Variants in NOP9 observed in about 807,000 individuals in gnomAD.
NOP9 encodes NOP9 nucleolar protein, also known as nucleolar protein 9.
A neutral mutation model predicts 63.0 loss-of-function variants in NOP9; 50 were observed. The observed-to-expected ratio is 0.79, with a 90% CI of 0.63 to 1.00. The LOEUF is 1.00. Ranked by LOEUF, NOP9 falls within the 50% of genes least tolerant of loss-of-function variation. NOP9 has a pLI of 0.00. For missense variants in NOP9, 758 were observed against 803.0 expected, an observed-to-expected ratio of 0.94 and a Z score of 0.68; for synonymous variants, 343 against 332.8, an observed-to-expected ratio of 1.03 and a Z score of -0.33.
In NOP9 at chr14:24,307,964, G is replaced by A; in HGVS notation, c.*2869G>A. Reference sequence around the variant, plus strand: ...TTACAAACCTGGGATCTCAGCCCAGGACAAGGTGGGAATGAGTCAAGCCTG... The same window carrying A: ...TTACAAACCTGGGATCTCAGCCCAGAACAAGGTGGGAATGAGTCAAGCCTG... On this transcript the variant is annotated 3_prime_UTR_variant, in exon 10 of 10. Transcript: ENST00000267425. 4.7e-6 allele frequency: 5 copies of A among 1,062,370 alleles called. No homozygotes were observed. The highest frequency in any genetic ancestry group is 7.1e-6 in the Non-Finnish European group (5 of 704,256). 65.8% of individuals were successfully genotyped at this position (1,062,370 alleles called of 1,614,324 possible).
chr14:24,305,811 G>A lies in NOP9; in HGVS notation c.*716G>A, dbSNP rs2041484926. The A allele has an allele frequency of 1.2e-6, 2 of 1,605,224 alleles. No individual in the cohort carries two copies. Among genetic ancestry groups the A allele is most frequent in the African/African-American group, 1.3e-5 (1 of 74,740 alleles). On this transcript the variant is annotated 3_prime_UTR_variant, in exon 10 of 10. Transcript: ENST00000267425. ...GAAATCAGATGATTTGGAAAACTTG[G>A]GAGGAAGCCATCAAGCTGGGAGATG...
the NOP9 span, chr14:24,294,589 A>AAACAACAACAACAAC: frequency 4.7e-5 from 7 of 150,442 alleles, no homozygotes; most frequent in Admixed American, 1.3e-4. Context: ...TTCCACCTCA[A>AAACAACAACAACAAC]AACAACAACA....
chr14:24,298,819 T>A (rs1298671857), upstream of NOP9: 18 of 1,105,764 alleles, frequency 1.6e-5, no homozygotes, highest in Non-Finnish European at 2.0e-5. Flanking sequence ...ACGGGGTTTT[T>A]AATTTCCACT....
chr14:24,307,013 T>C lies in NOP9; in HGVS notation c.*1918T>C, dbSNP rs2332320. On this transcript the variant is annotated 3_prime_UTR_variant, in exon 10 of 10. Transcript: ENST00000267425. ...ATGTATTATTATTGCCTTTTTATAG[T>C]TGAAGAAACTGAGGTTTTGGTAGGT... is the stretch of plus-strand genomic sequence containing the variant. 34,713 of 249,348 alleles carry C rather than the reference T, an allele frequency of 0.14. 3,851 individuals are homozygous for C. Among genetic ancestry groups the C allele is most frequent in the East Asian group, 0.56 (6,127 of 10,938 alleles). 15.4% of individuals were successfully genotyped at this position (249,348 alleles called of 1,614,324 possible).
upstream of NOP9, chr14:24,296,445 A>C: frequency 6.6e-7 from 1 of 1,509,552 alleles, no homozygotes; most frequent in Non-Finnish European, 9.2e-7. Context: ...ATGTAAGGAA[A>C]GGCCTGGCCG....
At chr14:24,302,148 G>T in intron 4 of NOP9, 42 bp downstream of exon 4, 1 of 1,604,560 alleles carries the variant, frequency 6.2e-7, no homozygotes, top group African/African-American at 1.3e-5. Flanking sequence ...TGGCGGGGCT[G>T]TGTGAAATGA....
In NOP9 at chr14:24,304,992, A is replaced by G; in HGVS notation, c.1808A>G (p.Asn603Ser). The G allele has an allele frequency of 3.7e-6, 6 of 1,601,378 alleles. No individual in the cohort carries two copies. The highest frequency in any genetic ancestry group is 2.2e-5 in the South Asian group (2 of 89,350). ...RDPFGHHVAR[N>S]VALTTFLKRR... is the part of the protein sequence containing the mutation. ...CCTTTCGGCCACCATGTGGCTCGAAATGTGGCCTTGACTACCTTCCTAAAG... is the reference window on the plus strand; with the variant it reads ...CCTTTCGGCCACCATGTGGCTCGAAGTGTGGCCTTGACTACCTTCCTAAAG... Residue 603 changes from asparagine to serine, a missense_variant, in exon 10 of 10, where the codon AAT becomes AGT. By Grantham distance (46) the Asn-to-Ser change is conservative (BLOSUM62 1). Coordinates refer to ENST00000267425, the MANE Select transcript of NOP9 (RefSeq NM_174913.3).
chr14:24,291,475 G>A, the NOP9 span: 5 of 1,460,150 alleles, frequency 3.4e-6, no homozygotes, highest in African/African-American at 2.8e-5. Context: ...ACCAACTCCC[G>A]AGCCAGATCT....
chr14:24,304,662 G>T (rs1315751250), intron 9 of NOP9, 64 bp downstream of exon 9: 1 of 1,292,734 alleles, frequency 7.7e-7, no homozygotes, highest in South Asian at 1.4e-5. Flanking sequence ...AGATCACTGG[G>T]TAGCTGGGAA....
the NOP9 span, chr14:24,290,533 T>A: frequency 3.5e-6 from 1 of 286,368 alleles, no homozygotes; most frequent in Non-Finnish European, 6.7e-6. Context: ...CATTTATACA[T>A]CTTTGAGTCT....
At chr14:24,288,639 C>T in the NOP9 span, among the ~76,000 whole-genome samples, 2 of 152,116 alleles carry the variant, frequency 1.3e-5, no homozygotes, top group African/African-American at 4.8e-5. Flanking sequence ...TGAGCCACCG[C>T]GCCCGACCAG....
the NOP9 span, among the ~76,000 whole-genome samples, chr14:24,288,494 C>T: frequency 4.6e-5 from 7 of 152,046 alleles, 1 homozygote; most frequent in Non-Finnish European, 2.9e-5. Flanking sequence ...GGATTAGAGG[C>T]GTGCTCCACC....
Position 24,300,076 on chromosome 14 carries a change from C to T in NOP9, c.122C>T (p.Pro41Leu), listed in dbSNP as rs753890120. ...CCAGGCCGTAAGCGGCAACCCTGGCCGCCTCCGGATGGGCGCTCGGAGCCG... is the reference window on the plus strand; with the variant it reads ...CCAGGCCGTAAGCGGCAACCCTGGCTGCCTCCGGATGGGCGCTCGGAGCCG... ...PLPGRKRQPWPPPDGRSEPAP... is the reference protein window; with the variant it reads ...PLPGRKRQPWLPPDGRSEPAP... The change falls in exon 1 of 10, where the codon CCG (proline) becomes CTG (leucine). Residue 41 changes from proline (P) to leucine (L), a missense_variant. Transcript: ENST00000267425. 2.5e-6 allele frequency: 4 copies of T among 1,612,734 alleles called. No homozygotes were observed. The highest frequency in any genetic ancestry group is 1.3e-5 in the African/African-American group (1 of 74,930).
the NOP9 span, among the ~76,000 whole-genome samples, chr14:24,271,960 C>T: frequency 6.6e-6 from 1 of 152,142 alleles, no homozygotes; most frequent in African/African-American, 2.4e-5. Context: ...TACTTGACAC[C>T]CCCATTCTGG....
chr14:24,303,342 G>A, intron 6 of NOP9, 128 bp downstream of exon 6: 1 of 1,219,948 alleles, frequency 8.2e-7, no homozygotes, highest in Non-Finnish European at 1.2e-6. Flanking sequence ...TCACAGGAAT[G>A]GGGGAAAATG....
chr14:24,308,910 A>T lies in NOP9; in HGVS notation c.*3815A>T, dbSNP rs1367197480. On this transcript the variant is annotated 3_prime_UTR_variant, in exon 10 of 10. Transcript: ENST00000267425. Reference sequence around the variant, plus strand: ...TCCCCTGCAGGCTTGAGCCCAAGCCAGAGCCTTGAAAAGGTATTCAGGTTG... The same window carrying T: ...TCCCCTGCAGGCTTGAGCCCAAGCCTGAGCCTTGAAAAGGTATTCAGGTTG... The T allele has an allele frequency of 8.5e-5, 13 of 152,272 alleles. 1 individual carries two copies. Among genetic ancestry groups the T allele is most frequent in the Admixed American group, 8.5e-4 (13 of 15,288 alleles). 9.4% of individuals were successfully genotyped at this position (152,272 alleles called of 1,614,324 possible).
chr14:24,292,184 C>T, the NOP9 span: 133 of 1,614,060 alleles, frequency 8.2e-5, no homozygotes, highest in Middle Eastern at 1.6e-4. Context: ...CCTTGCCAAC[C>T]TGCTTCAACA....
At chr14:24,291,535 C>G in the NOP9 span, 1 of 1,613,924 alleles carries the variant, frequency 6.2e-7, no homozygotes, top group South Asian at 1.1e-5. Context: ...TTTCTTATTA[C>G]CAGCTGCCCC....
intron 6 of NOP9, 95 bp from the exon 7 acceptor site, chr14:24,303,637 T>G: frequency 6.2e-6 from 8 of 1,282,784 alleles, no homozygotes; most frequent in Admixed American, 1.7e-5. Context: ...TCTTGTGGAG[T>G]TGGGCCTTCT....
Sources: allele counts gnomAD v4.1 joint callset (sites outside exome capture counted in the v4.1 genomes callset), GRCh38; gene constraint gnomAD v4.1.1; transcripts MANE v1.5; gene names NCBI Gene and HGNC (gene_info 2026-07-23, HGNC 2026-07-21).